The following DYTN variants were observed in gnomAD, a reference collection of about 807,000 sequenced individuals.
DYTN encodes dystrotelin.
Under a neutral mutation model 69.6 loss-of-function variants are expected in DYTN, and 75 were observed. The observed-to-expected ratio is 1.08, with a 90% confidence interval of 0.89 to 1.31. DYTN has a LOEUF of 1.31. Ranked by LOEUF, DYTN falls within the 50% of genes most tolerant of loss-of-function variation. DYTN has a pLI of 0.00. For missense variants in DYTN, 726 were observed against 688.4 expected, an observed-to-expected ratio of 1.05 and a Z score of -0.61; for synonymous variants, 252 against 249.1, an observed-to-expected ratio of 1.01 and a Z score of -0.11.
In DYTN at chr2:206,681,129, G is replaced by C. The variant is rs377582640; in HGVS notation, c.980+12046C>G. Among the ~76,000 whole-genome samples the C allele has an allele frequency of 1.1e-3, 172 of 152,210 alleles. 1 individual carries two copies. In the South Asian group the frequency reaches 0.021, roughly 19 times the overall value. Reference sequence around the variant, plus strand: ...TATTCCTAGGTATTTTATTCTCTTTGTAGTAATTGTGAATGGAAGTTCATT... The same window carrying C: ...TATTCCTAGGTATTTTATTCTCTTTCTAGTAATTGTGAATGGAAGTTCATT... On this transcript the variant is annotated intron_variant, in intron 9 of 11. Coordinates refer to ENST00000452335, the MANE Select transcript of DYTN (RefSeq NM_001093730.1).
chr2:206,668,492 A>G (rs1699597624), intron 9 of DYTN, among the ~76,000 whole-genome samples: 1 of 152,214 alleles, frequency 6.6e-6, no homozygotes, highest in Non-Finnish European at 1.5e-5. Flanking sequence ...CTCATAACAA[A>G]CAATTCAGGT....
rs1425807612 is a variant in DYTN, at chr2:206,699,755, A to G, written c.691T>C (p.Cys231Arg). 1.9e-6 allele frequency: 3 copies of G among 1,613,736 alleles called. No homozygotes were observed. The highest frequency in any genetic ancestry group is 2.5e-6 in the Non-Finnish European group (3 of 1,179,776). Residue 231 changes from cysteine (C) to arginine (R), a missense_variant, in exon 7 of 12, where the codon TGC (cysteine) becomes CGC (arginine). Cys to Arg is a radical substitution (Grantham distance 180). Transcript: ENST00000452335. ...RVTHPARCTL[C>R]RTFPITGLRY... Reference sequence around the variant, plus strand: ...AGTCCCGTGATTGGGAAAGTCCTGCAGAGAGTGCACCGAGCAGGGTGAGTG... The same window carrying G: ...AGTCCCGTGATTGGGAAAGTCCTGCGGAGAGTGCACCGAGCAGGGTGAGTG...
At chr2:206,673,407 A>G (rs10181588) in intron 9 of DYTN, among the ~76,000 whole-genome samples, 20,939 of 151,902 alleles carry the variant, frequency 0.14, 2,383 homozygotes, top group African/African-American at 0.31. Flanking sequence ...ACAGGCACGC[A>G]CCACCACACC....
At chr2:206,711,789 T>C (rs749302636) in intron 1 of DYTN, among the ~76,000 whole-genome samples, 33 of 143,338 alleles carry the variant, frequency 2.3e-4, no homozygotes, top group Non-Finnish European at 4.6e-4. Context: ...CCTGTGTCCA[T>C]GTGTTCTCAT....
chr2:206,679,418 T>G (rs372808587), intron 9 of DYTN, among the ~76,000 whole-genome samples: 1 of 152,170 alleles, frequency 6.6e-6, no homozygotes, highest in African/African-American at 2.4e-5. Flanking sequence ...GACATGAGAA[T>G]GCAAAGAATT....
At chr2:206,705,926 G>A (rs935408635) in intron 3 of DYTN, 53 bp from the exon 4 acceptor site, 29 of 1,578,846 alleles carry the variant, frequency 1.8e-5, no homozygotes, top group Non-Finnish European at 2.5e-5. Context: ...GGTTACCTTT[G>A]GTGTAATGGA....
rs776584015 is a variant in DYTN, at chr2:206,707,285, G to T, written c.296+17C>A. 5 of 1,607,386 alleles carry T rather than the reference G, an allele frequency of 3.1e-6. No individual in the cohort carries two copies. The highest frequency in any genetic ancestry group is 3.4e-6 in the Non-Finnish European group (4 of 1,177,186). On this transcript the variant is annotated intron_variant, in intron 3 of 11. Transcript: ENST00000452335. The stretch of plus-strand genomic sequence containing the variant: ...AACTTTGCCTTTGAGGTCACAGCGC[G>T]ACGTCCACACCCTCACCTGTTGTAC...
intron 11 of DYTN, among the ~76,000 whole-genome samples, chr2:206,659,997 AGATGTGTACTTTTT>A (rs1559304293): frequency 1.3e-5 from 2 of 152,052 alleles, no homozygotes; most frequent in South Asian, 4.1e-4. Context: ...CAAAGTATAA[AGATGTGTACTTTTT>A]TTCTTGCAAA....
rs1265317477 is a variant in DYTN, at chr2:206,705,800, A to G, written c.370T>C (p.Ser124Pro). Residue 124 changes from serine to proline, a missense_variant, in exon 4 of 12, where the codon TCA becomes CCA. Ser to Pro is a moderately conservative substitution (Grantham distance 74, BLOSUM62 -1). Coordinates refer to ENST00000452335, the MANE Select transcript of DYTN (RefSeq NM_001093730.1). ...CTCTGCATGTTACCTCGGTATTTTG[A>G]AAGAGGGCTGTCTCCTGAGAGGGTT... is the stretch of plus-strand genomic sequence containing the variant. ...LITLSGDSPLSKYRALFQLYA... is the reference protein window; with the variant it reads ...LITLSGDSPLPKYRALFQLYA... The G allele has an allele frequency of 6.2e-7, 1 of 1,613,684 alleles. No individual in the cohort carries two copies. Among genetic ancestry groups the G allele is most frequent in the African/African-American group, 1.3e-5 (1 of 74,922 alleles).
At chr2:206,656,572 GCTGT>G (rs1699450109) in intron 11 of DYTN, among the ~76,000 whole-genome samples, 1 of 151,936 alleles carries the variant, frequency 6.6e-6, no homozygotes, top group East Asian at 1.9e-4. Flanking sequence ...CTTCTAGTTT[GCTGT>G]CTTTTTAAAA....
chr2:206,665,751 G>C, intron 10 of DYTN, 119 bp downstream of exon 10: 1 of 1,234,070 alleles, frequency 8.1e-7, no homozygotes, highest in Non-Finnish European at 1.1e-6. Flanking sequence ...CAGGGTACGG[G>C]GAGAAGAGGC....
chr2:206,715,907 G>T (rs1323684643), intron 1 of DYTN, among the ~76,000 whole-genome samples: 1 of 152,086 alleles, frequency 6.6e-6, no homozygotes, highest in African/African-American at 2.4e-5. Flanking sequence ...GGCCAACATG[G>T]TGAAACCCCG....
intron 6 of DYTN, 115 bp from the exon 7 acceptor site, chr2:206,700,005 G>A: frequency 1.3e-6 from 2 of 1,536,208 alleles, no homozygotes; most frequent in South Asian, 1.2e-5. Flanking sequence ...AGGAAAAGCT[G>A]GAGGTGAGAC....
At position 206,674,198 on chromosome 2, in the gene DYTN, A is replaced by G. The variant is rs368390121; in HGVS notation, c.981-8169T>C. On this transcript the variant is annotated intron_variant, in intron 9 of 11. Transcript: ENST00000452335. ...ATTTTCTTAGCAGATATTTAGAAAC[A>G]AAAATGATCTTTAGGAAAAAAAATG... Among the ~76,000 whole-genome samples, 29 of 146,354 alleles carry G rather than the reference A, an allele frequency of 2.0e-4. No homozygotes were observed. The South Asian group carries it at 6.1e-3, about 31-fold the overall frequency.
At chr2:206,676,672 T>C (rs1056143992) in intron 9 of DYTN, among the ~76,000 whole-genome samples, 4 of 152,218 alleles carry the variant, frequency 2.6e-5, no homozygotes, top group African/African-American at 7.2e-5. Flanking sequence ...GTTTCAGTTA[T>C]GCAAGATAAG....
intron 11 of DYTN, among the ~76,000 whole-genome samples, chr2:206,657,588 A>G (rs112628061): frequency 0.01 from 1,546 of 152,232 alleles, 28 homozygotes; most frequent in South Asian, 0.084. Flanking sequence ...ATTTTATAGT[A>G]TTTTGTATTT....
At chr2:206,676,271 C>T (rs1222016548) in intron 9 of DYTN, among the ~76,000 whole-genome samples, 2 of 152,162 alleles carry the variant, frequency 1.3e-5, no homozygotes, top group Non-Finnish European at 1.5e-5. Flanking sequence ...AGTTCATGTC[C>T]TTTGCAGGGA....
intron 9 of DYTN, among the ~76,000 whole-genome samples, chr2:206,683,009 A>G (rs915565953): frequency 5.3e-5 from 8 of 152,218 alleles, no homozygotes; most frequent in African/African-American, 1.9e-4. Flanking sequence ...AAAAGATCAC[A>G]TAATTGGCTA....
At chr2:206,693,392 G>A in intron 8 of DYTN, 69 bp from the exon 9 acceptor site, 1 of 1,534,286 alleles carries the variant, frequency 6.5e-7, no homozygotes, top group Non-Finnish European at 8.7e-7. Context: ...TCCTTACTTG[G>A]ATGGACTGGC....
Sources: allele counts gnomAD v4.1 joint callset (sites outside exome capture counted in the v4.1 genomes callset), GRCh38; gene constraint gnomAD v4.1.1; transcripts MANE v1.5; gene names NCBI Gene and HGNC (gene_info 2026-07-23, HGNC 2026-07-21).